The following CREBBP variants were observed in gnomAD, a reference collection of about 807,000 sequenced individuals.
The protein encoded by CREBBP is CREB binding lysine acetyltransferase.
CREBBP carries 19 observed loss-of-function variants against 265.0 expected under a neutral mutation model. That is an observed-to-expected ratio of 0.07 (90% confidence interval 0.05 to 0.11). The LOEUF is 0.11. CREBBP is among the 10% of genes least tolerant of loss of function. The probability of loss-of-function intolerance (pLI) is 1.00; values close to 1 mark genes in which losing one functional copy is unlikely to be tolerated. For missense variants in CREBBP, 2,525 were observed against 3,219.0 expected (o/e 0.78, Z 5.22); for synonymous variants, 1,457 against 1,223.7 (o/e 1.19, Z -3.98).
chr16:3,817,443 C>G (rs1246874825), intron 2 of CREBBP, among the ~76,000 whole-genome samples: 1 of 152,172 alleles, frequency 6.6e-6, no homozygotes, highest in African/African-American at 2.4e-5. Flanking sequence ...CAGAAAGATT[C>G]TCTCCACTCA....
At chr16:3,745,146 A>T in intron 22 of CREBBP, 131 bp downstream of exon 22, 2 of 998,058 alleles carry the variant, frequency 2.0e-6, no homozygotes, top group East Asian at 2.6e-5. Context: ...ACTTAAATTT[A>T]GAACCAACTG....
chr16:3,867,997 C>G (rs2055212813), intron 1 of CREBBP, among the ~76,000 whole-genome samples: 1 of 152,024 alleles, frequency 6.6e-6, no homozygotes, highest in Non-Finnish European at 1.5e-5. Context: ...TCCAACAGCT[C>G]TGAGATATGT....
At chr16:3,859,045 TCTC>T (rs1211269603) in intron 1 of CREBBP, among the ~76,000 whole-genome samples, 1 of 152,062 alleles carries the variant, frequency 6.6e-6, no homozygotes, top group African/African-American at 2.4e-5. Context: ...GTGAAAAAGG[TCTC>T]CTTTCTTTAG....
At position 3,859,359 on chromosome 16, in the gene CREBBP, A is replaced by AT. The variant is rs532660565; in HGVS notation, c.86-8351dup. ...AGGCGCATACCACCACACCCGGCTA[A>AT]TTTTTTGTATTTTCAGCAGAGACGG... On this transcript the variant is annotated intron_variant, in intron 1 of 30. Coordinates refer to ENST00000262367, the MANE Select transcript of CREBBP (RefSeq NM_004380.3). 1.6e-3 allele frequency among the ~76,000 whole-genome samples: 240 copies of AT among 152,034 alleles called. 1 individual carries two copies. Among genetic ancestry groups the AT allele is most frequent in the South Asian group, 2.9e-3 (14 of 4,812 alleles).
intron 18 of CREBBP, 24 bp downstream of exon 18, chr16:3,757,785 T>G: frequency 1.2e-6 from 2 of 1,613,352 alleles, no homozygotes; most frequent in Non-Finnish European, 1.7e-6. Context: ...AAAATTCACT[T>G]TCCGGAAAAA....
At chr16:3,815,035 G>C (rs130054) in intron 2 of CREBBP, among the ~76,000 whole-genome samples, 2,033 of 152,274 alleles carry the variant, frequency 0.013, 45 homozygotes, top group African/African-American at 0.047. Flanking sequence ...CTAGCCTGCA[G>C]TTATGAATAA....
chr16:3,800,838 T>C (rs148436665), intron 3 of CREBBP, among the ~76,000 whole-genome samples: 103 of 152,338 alleles, frequency 6.8e-4, no homozygotes, highest in African/African-American at 2.4e-3. Flanking sequence ...GAGGCTAGAT[T>C]ACATAAAGAC....
intron 3 of CREBBP, among the ~76,000 whole-genome samples, chr16:3,796,390 T>TC (rs966253436): frequency 1.3e-5 from 2 of 148,368 alleles, no homozygotes; most frequent in African/African-American, 4.9e-5. Context: ...GCTTGTACTT[T>TC]TTTTTTTTTT....
At chr16:3,819,227 G>C (rs2054096930) in intron 2 of CREBBP, among the ~76,000 whole-genome samples, 1 of 152,246 alleles carries the variant, frequency 6.6e-6, no homozygotes, top group Non-Finnish European at 1.5e-5. Context: ...GGGGATATCT[G>C]AATGGCGACT....
intron 6 of CREBBP, among the ~76,000 whole-genome samples, chr16:3,782,281 C>T (rs2053289259): frequency 6.6e-6 from 1 of 152,198 alleles, no homozygotes; most frequent in African/African-American, 2.4e-5. Context: ...AGGCTGGTCA[C>T]TTCCAACTGA....
At chr16:3,735,339 T>C (rs2052026738) in intron 28 of CREBBP, among the ~76,000 whole-genome samples, 1 of 152,138 alleles carries the variant, frequency 6.6e-6, no homozygotes, top group African/African-American at 2.4e-5. Flanking sequence ...CACTGTCTCC[T>C]GGGCTGGAGT....
At chr16:3,824,655 C>A (rs1277484418) in intron 2 of CREBBP, among the ~76,000 whole-genome samples, 2 of 151,812 alleles carry the variant, frequency 1.3e-5, no homozygotes, top group Non-Finnish European at 2.9e-5. Context: ...TCCCCACACG[C>A]CTTTGCCTCA....
chr16:3,847,977 T>C (rs2054703223), intron 2 of CREBBP, among the ~76,000 whole-genome samples: 1 of 152,106 alleles, frequency 6.6e-6, no homozygotes, highest in South Asian at 2.1e-4. Flanking sequence ...GAGACCAGCT[T>C]GGCCAACATG....
chr16:3,802,931 C>T (rs1165137818), intron 3 of CREBBP, among the ~76,000 whole-genome samples: 1 of 152,116 alleles, frequency 6.6e-6, no homozygotes. Flanking sequence ...AGGGCTGGCT[C>T]TGCAATAACC....
At position 3,738,573 on chromosome 16, in the gene CREBBP, A is replaced by G. The variant is rs1297649997; in HGVS notation, c.4380T>C (p.Tyr1460=). The G allele has an allele frequency of 5.0e-6, 8 of 1,608,454 alleles. No homozygotes were observed. The East Asian group carries it at 1.8e-4, about 36-fold the overall frequency. Residue 1460 remains tyrosine (Y), a synonymous_variant, in exon 26 of 31, where the codon TAT becomes TAC. Coordinates refer to ENST00000262367, the MANE Select transcript of CREBBP (RefSeq NM_004380.3). ...YHEILIGYLE[Y]VKKLGYVTGH... ...TCCAAACTCACCCTAATTTCTTCAC[A>G]TACTCTAAATATCCAATAAGGATCT...
At chr16:3,837,338 G>A (rs936920496) in intron 2 of CREBBP, among the ~76,000 whole-genome samples, 7 of 152,228 alleles carry the variant, frequency 4.6e-5, no homozygotes, top group Admixed American at 1.3e-4. Context: ...AGAACTGGCC[G>A]GGCGCGGTGG....
intron 16 of CREBBP, among the ~76,000 whole-genome samples, chr16:3,761,148 T>A (rs1379566108): frequency 1.3e-5 from 2 of 151,988 alleles, no homozygotes; most frequent in East Asian, 3.9e-4. Flanking sequence ...GAGACTGGGT[T>A]TCTCCATGTT....
intron 28 of CREBBP, among the ~76,000 whole-genome samples, chr16:3,735,400 G>A (rs1442140742): frequency 6.6e-5 from 10 of 152,052 alleles, no homozygotes; most frequent in Admixed American, 4.6e-4. Context: ...GGGTTCAAGC[G>A]ATTCTCCTGC....
At chr16:3,802,071 AC>A (rs1470377663) in intron 3 of CREBBP, among the ~76,000 whole-genome samples, 3 of 139,664 alleles carry the variant, frequency 2.1e-5, no homozygotes, top group Non-Finnish European at 4.5e-5. Context: ...CTGTCAAACT[AC>A]CTTTAAAAGC....
Sources: allele counts gnomAD v4.1 joint callset (sites outside exome capture counted in the v4.1 genomes callset), GRCh38; gene constraint gnomAD v4.1.1; transcripts MANE v1.5; gene names NCBI Gene and HGNC (gene_info 2026-07-23, HGNC 2026-07-21).